Variants in USP24 observed in about 807,000 individuals in gnomAD.
USP24 encodes the protein ubiquitin carboxyl-terminal hydrolase 24.
A neutral mutation model predicts 361.6 loss-of-function variants in USP24; 97 were observed. The ratio of observed to expected loss-of-function variants is 0.27; its 90% CI spans 0.23 to 0.32. The LOEUF (loss-of-function observed/expected upper bound fraction) is 0.32. Among genes scored for constraint, USP24 ranks in the 10% least tolerant of loss-of-function variants. USP24 has a pLI of 1.00. For missense variants in USP24, 2,353 were observed against 3,165.6 expected, an observed-to-expected ratio of 0.74 and a Z score of 6.16; for synonymous variants, 1,098 against 1,124.6, an observed-to-expected ratio of 0.98 and a Z score of 0.47.
At chr1:55,073,048 T>C (rs1426594677) in intron 64 of USP24, 187 bp from the exon 65 acceptor site, 1 of 594,288 alleles carries the variant, frequency 1.7e-6, no homozygotes, top group South Asian at 2.2e-5. Flanking sequence ...CCCCAGGGGC[T>C]GGGGGAAGGG....
At chr1:55,199,633 GAGAC>G (rs1179866607) in intron 1 of USP24, among the ~76,000 whole-genome samples, 64 of 151,346 alleles carry the variant, frequency 4.2e-4, no homozygotes, top group East Asian at 1.7e-3. Context: ...GAGAGAGAGA[GAGAC>G]AGACAGAGAG....
chr1:55,159,639 C>T lies in USP24; in HGVS notation c.1040G>A (p.Ser347Asn). The T allele has an allele frequency of 1.9e-6, 3 of 1,562,488 alleles. No homozygotes were observed. Among genetic ancestry groups the T allele is most frequent in the Middle Eastern group, 1.7e-4 (1 of 6,000 alleles). Residue 347 changes from serine to asparagine, a missense_variant, in exon 9 of 68, where the codon AGT (serine) becomes AAT (asparagine). By Grantham distance (46) the Ser-to-Asn change is conservative. Around this residue, in one of 8 missense-constraint regions of USP24, gnomAD observed 386 missense variants for 560.5 expected, o/e 0.69. Transcript: ENST00000294383. ...GTCTTTGAGGTCTTTCTCTTCTACA[C>T]TCCGTACATCCTGGATTGTAGTAAG... The part of the protein sequence containing the change: ...VILTTIQDVR[S>N]VEEKDLKDKR...
chr1:55,080,940 C>T (rs1344963168), intron 59 of USP24, among the ~76,000 whole-genome samples: 1 of 152,092 alleles, frequency 6.6e-6, no homozygotes, highest in Admixed American at 6.6e-5. Flanking sequence ...TGAGTATTTT[C>T]ATTTTGCACT....
rs1646671791 is a variant in USP24, at chr1:55,134,216, A to G, written c.3288-53T>C. 25 of 1,586,670 alleles carry G rather than the reference A, an allele frequency of 1.6e-5. No homozygotes were observed. The South Asian group carries it at 1.6e-4, about 10-fold the overall frequency. ...CATATAAGCCATAGTTTAATTCAAC[A>G]AAGTCCATTAGTATGGAATATAAAA... On this transcript the variant is annotated intron_variant, in intron 29 of 67. Transcript: ENST00000294383.
chr1:55,150,320 A>G (rs1647157819), intron 16 of USP24, among the ~76,000 whole-genome samples: 2 of 152,214 alleles, frequency 1.3e-5, no homozygotes, highest in South Asian at 4.1e-4. Flanking sequence ...CCAATGGTCC[A>G]TAACTGCAAA....
At chr1:55,198,860 TA>T (rs1644487103) in intron 1 of USP24, among the ~76,000 whole-genome samples, 1 of 152,224 alleles carries the variant, frequency 6.6e-6, no homozygotes, top group Non-Finnish European at 1.5e-5. Context: ...TTTTCCTTAA[TA>T]AATAATAAAA....
At chr1:55,114,407 G>A (rs1646045249) in intron 38 of USP24, among the ~76,000 whole-genome samples, 1 of 152,136 alleles carries the variant, frequency 6.6e-6, no homozygotes, top group African/African-American at 2.4e-5. Context: ...AATTTCATAT[G>A]GAACCAAAAC....
At chr1:55,124,447 A>G in intron 35 of USP24, 22 bp downstream of exon 35, 1 of 1,599,790 alleles carries the variant, frequency 6.3e-7, no homozygotes, top group Non-Finnish European at 8.5e-7. Flanking sequence ...TGTTCTCATT[A>G]CTGTCTCTTT....
intron 1 of USP24, among the ~76,000 whole-genome samples, chr1:55,188,603 A>G (rs1644198159): frequency 6.6e-6 from 1 of 152,164 alleles, no homozygotes; most frequent in Non-Finnish European, 1.5e-5. Flanking sequence ...CATCTTCAGG[A>G]AAATGCAAAT....
chr1:55,089,740 C>G lies in USP24; in HGVS notation c.6555G>C (p.Arg2185Ser), dbSNP rs1187036964. Residue 2185 changes from arginine to serine, a missense_variant and splice_region_variant, in exon 55 of 68, where the codon AGG becomes AGC. Arg to Ser is a moderately radical substitution (Grantham distance 110). Coordinates refer to ENST00000294383, the MANE Select transcript of USP24 (RefSeq NM_015306.3). ...TAGCAATCCATTCTTCAGTATCAAC[C>G]CTTTAAAAAAAAGCAGATACAGCAA... ...QTYLRTKKKL[R>S]VDTEEWIATI... The G allele has an allele frequency of 6.3e-7, 1 of 1,583,966 alleles. No homozygotes were observed. Among genetic ancestry groups the G allele is most frequent in the Non-Finnish European group, 8.6e-7 (1 of 1,164,656 alleles).
intron 1 of USP24, among the ~76,000 whole-genome samples, chr1:55,214,318 A>G (rs1644926544): frequency 6.6e-6 from 1 of 151,726 alleles, no homozygotes; most frequent in Admixed American, 6.6e-5. Context: ...TCTGACTCTG[A>G]GCCTGGTGCC....
intron 16 of USP24, chr1:55,152,074 C>T: frequency 2.6e-6 from 2 of 758,312 alleles, no homozygotes; most frequent in Non-Finnish European, 3.2e-6. Context: ...GATCTTCCCA[C>T]TGCCCCCCTT....
intron 1 of USP24, among the ~76,000 whole-genome samples, chr1:55,182,198 T>G (rs1163178770): frequency 6.6e-5 from 10 of 152,096 alleles, no homozygotes; most frequent in Admixed American, 4.6e-4. Flanking sequence ...ACTATAGGCA[T>G]GTGCCACCAC....
At chr1:55,121,588 C>G in intron 36 of USP24, 82 bp from the exon 37 acceptor site, 5 of 1,127,576 alleles carry the variant, frequency 4.4e-6, no homozygotes, top group Non-Finnish European at 6.5e-6. Flanking sequence ...TTCTTAAGCT[C>G]AACTTAAGCA....
Position 55,097,084 on chromosome 1 carries a change from C to A in USP24, c.5804G>T (p.Ser1935Ile). 2 of 1,613,986 alleles carry A rather than the reference C, an allele frequency of 1.2e-6. No homozygotes were observed. Among genetic ancestry groups the A allele is most frequent in the Non-Finnish European group, 1.7e-6 (2 of 1,179,898 alleles). The stretch of plus-strand genomic sequence containing the variant: ...GGATCCTCCACCGCCCTGATCCACA[C>A]TTCGCCCATTTTCCCCAACTTCAGA... ...SSSEVGENGRSVDQGGGGSPR... is the reference protein window; with the variant it reads ...SSSEVGENGRIVDQGGGGSPR... The change falls in exon 49 of 68, where the codon AGT (serine) becomes ATT (isoleucine). Residue 1935 changes from serine to isoleucine, a missense_variant. This residue lies in a region of USP24 where 598 missense variants were observed against 761.9 expected (regional missense o/e 0.78). Coordinates refer to ENST00000294383, the MANE Select transcript of USP24 (RefSeq NM_015306.3).
In USP24 at chr1:55,154,370, C is replaced by A. The variant is rs1171991398; in HGVS notation, c.1650+1G>T. On this transcript the variant is annotated splice_donor_variant, in intron 14 of 67. Coordinates refer to ENST00000294383, the MANE Select transcript of USP24 (RefSeq NM_015306.3). LOFTEE classifies it high-confidence loss of function. Reference sequence around the variant, plus strand: ...TAGAAAAATCCATTTGATTCTCCTGCCTTTCCAGAAGTGGTCTCAAAGCGA... The same window carrying A: ...TAGAAAAATCCATTTGATTCTCCTGACTTTCCAGAAGTGGTCTCAAAGCGA... 1 of 1,552,120 alleles carries A rather than the reference C, an allele frequency of 6.4e-7. No individual in the cohort carries two copies. Among genetic ancestry groups the A allele is most frequent in the Non-Finnish European group, 8.7e-7 (1 of 1,147,156 alleles).
At chr1:55,208,310 C>T (rs1022669056) in intron 1 of USP24, among the ~76,000 whole-genome samples, 9 of 152,288 alleles carry the variant, frequency 5.9e-5, no homozygotes, top group South Asian at 2.1e-4. Flanking sequence ...TTTGCCAAAA[C>T]TCACCACAGA....
chr1:55,110,308 C>A, intron 38 of USP24, 62 bp from the exon 39 acceptor site: 1 of 1,358,526 alleles, frequency 7.4e-7, no homozygotes, highest in South Asian at 1.5e-5. Flanking sequence ...AAAGCATTTT[C>A]CTTGTAAGAA....
chr1:55,146,053 C>T lies in USP24; in HGVS notation c.2307G>A (p.Gln769=). Residue 769 remains glutamine, a synonymous_variant, in exon 20 of 68, where the codon CAG becomes CAA. Transcript: ENST00000294383. ...TAAGAATTTTCTCCTTGAAGAGCTG[C>T]TGCTGAACATCACTCTCAAGATCAT... is the stretch of plus-strand genomic sequence containing the variant. The part of the protein sequence containing the change: ...GQHDLESDVQ[Q]QLFKEKILKL... 1.2e-6 allele frequency: 2 copies of T among 1,613,102 alleles called. No homozygotes were observed. The highest frequency in any genetic ancestry group is 1.3e-5 in the African/African-American group (1 of 75,002).
Sources: allele counts gnomAD v4.1 joint callset (sites outside exome capture counted in the v4.1 genomes callset), GRCh38; gene constraint gnomAD v4.1.1; regional missense constraint gnomAD v4.1.1; transcripts MANE v1.5; gene names NCBI Gene and HGNC (gene_info 2026-07-23, HGNC 2026-07-21).